The following ADAMTS18 variants were observed in gnomAD, a reference collection of about 807,000 sequenced individuals.
ADAMTS18 encodes the protein ADAM metallopeptidase with thrombospondin type 1 motif 18, also known as A disintegrin and metalloproteinase with thrombospondin motifs 18.
Under a neutral mutation model 165.9 loss-of-function variants are expected in ADAMTS18, and 157 were observed. That is an observed-to-expected ratio of 0.95 (90% CI 0.83 to 1.08). The LOEUF is 1.08. Among genes scored for constraint, ADAMTS18 ranks in the 50% least tolerant of loss-of-function variants. The pLI is 0.00. For synonymous variants in ADAMTS18, 782 were observed against 578.2 expected (o/e 1.35, Z -5.06); for missense variants, 2,040 against 1,534.0 (o/e 1.33, Z -5.51).
intron 9 of ADAMTS18, 142 bp downstream of exon 9, chr16:77,355,795 CCAT>C: frequency 1.0e-6 from 1 of 1,003,096 alleles, no homozygotes; most frequent in East Asian, 2.4e-5. Flanking sequence ...GTCATCATCA[CCAT>C]CATCATTATC....
chr16:77,324,331 G>A (rs550136897), intron 13 of ADAMTS18, among the ~76,000 whole-genome samples: 50 of 152,342 alleles, frequency 3.3e-4, no homozygotes, highest in Middle Eastern at 6.8e-3. Context: ...TGCTTCCTAC[G>A]AAATCACTCA....
intron 10 of ADAMTS18, among the ~76,000 whole-genome samples, chr16:77,344,566 T>C (rs977826341): frequency 2.6e-5 from 4 of 152,108 alleles, no homozygotes; most frequent in Non-Finnish European, 5.9e-5. Context: ...CAGAACTAAA[T>C]TGTTTTTCTT....
intron 3 of ADAMTS18, among the ~76,000 whole-genome samples, chr16:77,396,749 C>T (rs750007987): frequency 2.6e-5 from 4 of 151,334 alleles, no homozygotes; most frequent in South Asian, 4.2e-4. Flanking sequence ...GAGAGCTGCA[C>T]ATTAAACGCT....
At chr16:77,368,450 T>G (rs2056831322) in intron 3 of ADAMTS18, among the ~76,000 whole-genome samples, 3 of 151,534 alleles carry the variant, frequency 2.0e-5, no homozygotes, top group Admixed American at 1.3e-4. Flanking sequence ...TTTTTTTTTT[T>G]TTTTGAGATT....
At chr16:77,381,383 G>T (rs1478450241) in intron 3 of ADAMTS18, among the ~76,000 whole-genome samples, 2 of 152,176 alleles carry the variant, frequency 1.3e-5, no homozygotes, top group Non-Finnish European at 2.9e-5. Context: ...CATAATGGCA[G>T]AAGGTCCTAG....
chr16:77,303,312 G>A lies in ADAMTS18; in HGVS notation c.2533-2908C>T, dbSNP rs539581512. 7.9e-5 allele frequency among the ~76,000 whole-genome samples: 12 copies of A among 152,234 alleles called. No homozygotes were observed. The East Asian group carries it at 1.2e-3, about 15-fold the overall frequency. On this transcript the variant is annotated intron_variant, in intron 16 of 22. Coordinates refer to ENST00000282849, the MANE Select transcript of ADAMTS18 (RefSeq NM_199355.4). ...GATGCATGGCTACGGATGACACCCC[G>A]CCTCTGACACCCATCTTCCATACTA...
chr16:77,341,495 AG>A, intron 11 of ADAMTS18, among the ~76,000 whole-genome samples: 1 of 152,244 alleles, frequency 6.6e-6, no homozygotes. Context: ...AAGACAAAAA[AG>A]AAAAAAAAAA....
At chr16:77,378,443 G>A (rs528750807) in intron 3 of ADAMTS18, among the ~76,000 whole-genome samples, 8 of 152,106 alleles carry the variant, frequency 5.3e-5, no homozygotes, top group South Asian at 2.1e-4. Context: ...GGCTGGGCAC[G>A]GTAGCTCACA....
At chr16:77,326,965 G>A (rs77949508) in intron 12 of ADAMTS18, among the ~76,000 whole-genome samples, 13,245 of 152,158 alleles carry the variant, frequency 0.087, 786 homozygotes, top group East Asian at 0.26. Context: ...TTCTGTTCCC[G>A]CCTTAGTTGG....
rs560185597 is a variant in ADAMTS18, at chr16:77,285,404, C to A, written c.3551-1333G>T. On this transcript the variant is annotated intron_variant, in intron 22 of 22. Coordinates refer to ENST00000282849, the MANE Select transcript of ADAMTS18 (RefSeq NM_199355.4). ...GTCACGCTGGTCTCGAACTCCTGAC[C>A]TCGGGTGATCCGTCTGCCTCAGCCT... Among the ~76,000 whole-genome samples the A allele has an allele frequency of 1.2e-4, 18 of 151,196 alleles. No individual in the cohort carries two copies. In the South Asian group the frequency reaches 3.1e-3, roughly 26 times the overall value.
At chr16:77,357,238 T>C (rs889534325) in intron 8 of ADAMTS18, among the ~76,000 whole-genome samples, 3 of 152,252 alleles carry the variant, frequency 2.0e-5, no homozygotes, top group Non-Finnish European at 4.4e-5. Flanking sequence ...ATGACTTTTT[T>C]TGTGACCCAT....
At chr16:77,352,850 C>A (rs1287761373) in intron 10 of ADAMTS18, among the ~76,000 whole-genome samples, 1 of 152,036 alleles carries the variant, frequency 6.6e-6, no homozygotes, top group Non-Finnish European at 1.5e-5. Flanking sequence ...GTGGCTCATG[C>A]CTGTAATCCC....
chr16:77,434,275 C>G (rs917489201), intron 2 of ADAMTS18, 143 bp downstream of exon 2: 7 of 970,070 alleles, frequency 7.2e-6, no homozygotes, highest in Admixed American at 2.2e-5. Context: ...AACCTTCCCC[C>G]CTCTCCAAAC....
chr16:77,353,094 G>GACA (rs145325918), intron 10 of ADAMTS18, among the ~76,000 whole-genome samples: 3 of 151,742 alleles, frequency 2.0e-5, no homozygotes, highest in East Asian at 3.9e-4. Context: ...CAACAACAAC[G>GACA]ACAACAACAA....
chr16:77,357,867 T>C (rs1456450917), intron 8 of ADAMTS18, among the ~76,000 whole-genome samples: 1 of 152,208 alleles, frequency 6.6e-6, no homozygotes, highest in Non-Finnish European at 1.5e-5. Flanking sequence ...ACCTCTGACT[T>C]CTCTCCTGAA....
chr16:77,330,536 C>T (rs576885571), intron 12 of ADAMTS18, among the ~76,000 whole-genome samples: 1 of 152,282 alleles, frequency 6.6e-6, no homozygotes, highest in African/African-American at 2.4e-5. Context: ...CAGGTTTCAA[C>T]TCACGTGTCA....
intron 10 of ADAMTS18, among the ~76,000 whole-genome samples, chr16:77,345,096 A>G (rs1355048174): frequency 1.7e-4 from 26 of 152,088 alleles, no homozygotes; most frequent in Admixed American, 1.7e-3. Flanking sequence ...TTTTAAAGGA[A>G]AGAGTCCCAA....
rs534297299 is a variant in ADAMTS18 at position 77,344,369 on chromosome 16, C to G, written c.1615-2570G>C. On this transcript the variant is annotated intron_variant, in intron 10 of 22. Coordinates refer to ENST00000282849, the MANE Select transcript of ADAMTS18 (RefSeq NM_199355.4). Reference sequence around the variant, plus strand: ...CATATTCCCGTGAACCTGCCACTGACATTAGCAGAAAGCATGAGGCAGCCT... The same window carrying G: ...CATATTCCCGTGAACCTGCCACTGAGATTAGCAGAAAGCATGAGGCAGCCT... 2.0e-4 allele frequency among the ~76,000 whole-genome samples: 30 copies of G among 152,068 alleles called. No homozygotes were observed. In the East Asian group the frequency reaches 5.6e-3, roughly 28 times the overall value.
At chr16:77,336,743 T>C (rs8063520) in intron 11 of ADAMTS18, among the ~76,000 whole-genome samples, 45,951 of 152,180 alleles carry the variant, frequency 0.3, 7,904 homozygotes, top group East Asian at 0.61. Flanking sequence ...CCCTAGGGGA[T>C]GCATTAGCCT....
Sources: gnomAD v4.1 joint callset for allele counts (sites outside exome capture counted in the v4.1 genomes callset) on GRCh38, gnomAD v4.1.1 for gene constraint, MANE v1.5 for transcripts, NCBI Gene and HGNC (gene_info 2026-07-23, HGNC 2026-07-21) for gene names.